Variants in CDKAL1 observed in about 807,000 individuals in gnomAD.
The protein encoded by CDKAL1 is threonylcarbamoyladenosine tRNA methylthiotransferase.
A neutral mutation model predicts 68.2 loss-of-function variants in CDKAL1; 32 were observed. The ratio of observed to expected loss-of-function variants is 0.47; its 90% CI spans 0.35 to 0.63. The LOEUF (loss-of-function observed/expected upper bound fraction) is 0.63, where lower values mean the gene tolerates loss of function less well. Ranked by LOEUF, CDKAL1 falls within the 30% of genes least tolerant of loss-of-function variation. The pLI is 0.00. For synonymous variants in CDKAL1, 234 were observed against 244.3 expected (o/e 0.96, Z 0.39); for missense variants, 606 against 696.7 (o/e 0.87, Z 1.47).
intron 5 of CDKAL1, among the ~76,000 whole-genome samples, chr6:20,690,912 AG>A (rs1770842320): frequency 6.6e-6 from 1 of 152,238 alleles, no homozygotes; most frequent in African/African-American, 2.4e-5. Flanking sequence ...TACTGTAAAT[AG>A]GAAAAACAAA....
chr6:20,893,107 C>G (rs1761496667), intron 9 of CDKAL1, among the ~76,000 whole-genome samples: 1 of 152,142 alleles, frequency 6.6e-6, no homozygotes, highest in South Asian at 2.1e-4. Context: ...GGAATGATCC[C>G]AAAAACGCAT....
At chr6:20,966,964 G>C (rs1441395472) in intron 10 of CDKAL1, among the ~76,000 whole-genome samples, 1 of 152,104 alleles carries the variant, frequency 6.6e-6, no homozygotes, top group African/African-American at 2.4e-5. Context: ...TTGTAACAAA[G>C]TACCACAAAC....
chr6:20,911,084 A>C (rs1320809969), intron 9 of CDKAL1, among the ~76,000 whole-genome samples: 1 of 152,256 alleles, frequency 6.6e-6, no homozygotes, highest in Admixed American at 6.5e-5. Context: ...AAACTAATGC[A>C]TGTAATGCAA....
chr6:20,668,802 G>A (rs987948509), intron 5 of CDKAL1, among the ~76,000 whole-genome samples: 2 of 152,114 alleles, frequency 1.3e-5, no homozygotes, highest in Non-Finnish European at 2.9e-5. Flanking sequence ...CCTCCAATCT[G>A]GAACAGATCC....
intron 13 of CDKAL1, among the ~76,000 whole-genome samples, chr6:21,165,115 T>C (rs1228446849): frequency 6.6e-6 from 1 of 152,252 alleles, no homozygotes; most frequent in Non-Finnish European, 1.5e-5. Flanking sequence ...GACCACAGCT[T>C]TGACAGCAAC....
At chr6:20,754,837 G>A (rs1053161295) in intron 6 of CDKAL1, among the ~76,000 whole-genome samples, 3 of 151,962 alleles carry the variant, frequency 2.0e-5, no homozygotes, top group Admixed American at 6.6e-5. Flanking sequence ...TGTTTTTGTT[G>A]TTTGTGCTTT....
intron 11 of CDKAL1, among the ~76,000 whole-genome samples, chr6:21,018,690 T>C (rs1375729124): frequency 6.6e-6 from 1 of 152,184 alleles, no homozygotes. Context: ...GAATAAACCT[T>C]TATTGGCCTA....
intron 13 of CDKAL1, among the ~76,000 whole-genome samples, chr6:21,111,515 G>C (rs993469392): frequency 6.6e-5 from 10 of 152,150 alleles, no homozygotes; most frequent in African/African-American, 2.4e-4. Flanking sequence ...CCTGACCCCA[G>C]ACACAGGAAA....
intron 2 of CDKAL1, among the ~76,000 whole-genome samples, chr6:20,542,580 C>CA (rs59363179): frequency 0.011 from 1,601 of 152,166 alleles, 27 homozygotes; most frequent in African/African-American, 0.035. Context: ...GTATTCCCCC[C>CA]CCATTTTTTT....
chr6:20,580,066 C>T (rs1275225443), intron 4 of CDKAL1, among the ~76,000 whole-genome samples: 2 of 152,054 alleles, frequency 1.3e-5, no homozygotes, highest in Non-Finnish European at 1.5e-5. Context: ...TGGTCGTAGA[C>T]CCTGGGAGTG....
intron 8 of CDKAL1, among the ~76,000 whole-genome samples, chr6:20,790,926 G>A (rs1220905624): frequency 1.3e-5 from 2 of 152,160 alleles, no homozygotes; most frequent in African/African-American, 4.8e-5. Flanking sequence ...AGGTAGGCAC[G>A]ACAGTGTAGA....
At chr6:20,765,605 T>G (rs1281656601) in intron 7 of CDKAL1, among the ~76,000 whole-genome samples, 1 of 152,232 alleles carries the variant, frequency 6.6e-6, no homozygotes, top group African/African-American at 2.4e-5. Flanking sequence ...ATGAACTCCT[T>G]GTTATTCATT....
At chr6:20,876,308 G>C (rs774323059) in intron 9 of CDKAL1, among the ~76,000 whole-genome samples, 6 of 152,204 alleles carry the variant, frequency 3.9e-5, no homozygotes, top group Non-Finnish European at 7.3e-5. Context: ...GGATGTAAGG[G>C]TGTACTTTCT....
intron 10 of CDKAL1, among the ~76,000 whole-genome samples, chr6:20,977,599 A>G (rs59426852): frequency 0.096 from 14,566 of 152,242 alleles, 1,197 homozygotes; most frequent in African/African-American, 0.23. Context: ...TAGGCTGGGC[A>G]TGGTGCTTCA....
chr6:20,892,649 T>C (rs1442767941), intron 9 of CDKAL1, among the ~76,000 whole-genome samples: 7 of 152,178 alleles, frequency 4.6e-5, no homozygotes, highest in Non-Finnish European at 7.4e-5. Flanking sequence ...TCATAACCTT[T>C]CTCCATCTAC....
intron 9 of CDKAL1, among the ~76,000 whole-genome samples, chr6:20,876,562 G>A (rs1355605170): frequency 1.3e-5 from 2 of 152,098 alleles, no homozygotes; most frequent in African/African-American, 4.8e-5. Flanking sequence ...TTTTTTCTTT[G>A]TGTACTTTTT....
intron 10 of CDKAL1, among the ~76,000 whole-genome samples, chr6:20,969,498 T>C (rs1765486803): frequency 6.6e-6 from 1 of 152,192 alleles, no homozygotes; most frequent in Non-Finnish European, 1.5e-5. Context: ...TATCTATGTA[T>C]AAGTGAATGC....
In CDKAL1 at chr6:21,232,157, A is replaced by T. The variant is rs1780002500; in HGVS notation, c.*1118A>T. On this transcript the variant is annotated 3_prime_UTR_variant, in exon 16 of 16. Coordinates refer to ENST00000274695, the MANE Select transcript of CDKAL1 (RefSeq NM_017774.3). The stretch of plus-strand genomic sequence containing the variant: ...TAATAGCCAGGGGCTACAGGCATAT[A>T]CCACCATGCCCAACTAATTTTTTAA... The T allele has an allele frequency of 6.6e-6, 1 of 151,544 alleles. No individual in the cohort carries two copies. The highest frequency in any genetic ancestry group is 6.6e-5 in the Admixed American group (1 of 15,204). 9.4% of individuals were successfully genotyped at this position (151,544 alleles called of 1,614,324 possible).
At chr6:20,609,385 T>TCTCCTTCTC (rs1766502541) in intron 4 of CDKAL1, among the ~76,000 whole-genome samples, 1 of 106,264 alleles carries the variant, frequency 9.4e-6, no homozygotes, top group African/African-American at 3.5e-5. Context: ...TTCTTCTTCT[T>TCTCCTTCTC]CTTCTTCTTC....
Sources: gnomAD v4.1 joint callset for allele counts (sites outside exome capture counted in the v4.1 genomes callset) on GRCh38, gnomAD v4.1.1 for gene constraint, MANE v1.5 for transcripts, NCBI Gene and HGNC (gene_info 2026-07-23, HGNC 2026-07-21) for gene names.